The following PKHD1 variants were observed in gnomAD, a reference collection of about 807,000 sequenced individuals.
The protein encoded by PKHD1 is PKHD1 ciliary IPT domain containing fibrocystin/polyductin.
A neutral mutation model predicts 412.0 loss-of-function variants in PKHD1; 291 were observed. The observed-to-expected ratio is 0.71, with a 90% CI of 0.64 to 0.78. The LOEUF is 0.78. Among genes scored for constraint, PKHD1 ranks in the 30% least tolerant of loss-of-function variants. The pLI is 0.00. For synonymous variants in PKHD1, 1,777 were observed against 1,821.5 expected (o/e 0.98, Z 0.62); for missense variants, 4,825 against 4,950.7 (o/e 0.97, Z 0.76).
chr6:51,853,436 T>C (rs943109513), intron 49 of PKHD1, among the ~76,000 whole-genome samples: 5 of 152,184 alleles, frequency 3.3e-5, no homozygotes, highest in Non-Finnish European at 5.9e-5. Context: ...CTTAATGGTG[T>C]TCTCTGCATT....
At chr6:51,756,015 T>C (rs1430494391) in intron 55 of PKHD1, among the ~76,000 whole-genome samples, 2 of 152,142 alleles carry the variant, frequency 1.3e-5, no homozygotes, top group Middle Eastern at 3.2e-3. Context: ...AGATGTTTAA[T>C]ATATAGTATT....
At chr6:52,085,573 T>C (rs559201565) in intron 1 of PKHD1, among the ~76,000 whole-genome samples, 1 of 152,168 alleles carries the variant, frequency 6.6e-6, no homozygotes, top group Non-Finnish European at 1.5e-5. Flanking sequence ...CCTCAGCTGA[T>C]TCTTTCCTCC....
chr6:51,815,265 A>G (rs1765266262), intron 52 of PKHD1, among the ~76,000 whole-genome samples: 2 of 152,182 alleles, frequency 1.3e-5, no homozygotes, highest in South Asian at 4.1e-4. Context: ...ATAAGACATA[A>G]CCTCTGTTCT....
rs114105781 is a variant in PKHD1, at chr6:52,044,057, C to T, written c.2716-327G>A. Among the ~76,000 whole-genome samples, 1,922 of 152,270 alleles carry T rather than the reference C, an allele frequency of 0.013. 27 individuals are homozygous for T. The highest frequency in any genetic ancestry group is 0.047 in the South Asian group (226 of 4,824). ...CTTCTTATCACTCTGTATTTCCAAC[C>T]AGGTACCTACTTTATGTGACAAGCT... On this transcript the variant is annotated intron_variant, in intron 25 of 66. Transcript: ENST00000371117.
intron 18 of PKHD1, among the ~76,000 whole-genome samples, chr6:52,056,184 C>G (rs1562247230): frequency 6.6e-6 from 1 of 152,112 alleles, no homozygotes; most frequent in Non-Finnish European, 1.5e-5. Flanking sequence ...AGCATTTTCT[C>G]TGTGTAGCAG....
chr6:51,989,941 AAGG>A (rs1796779557), intron 35 of PKHD1, among the ~76,000 whole-genome samples: 2 of 90,390 alleles, frequency 2.2e-5, no homozygotes, highest in Admixed American at 1.1e-4. Context: ...GGAAAGAAGG[AAGG>A]AAGAAAGGAA....
At chr6:51,926,343 TGCCTCAAGTTTTTTCTTTTC>T (rs898537571) in intron 37 of PKHD1, among the ~76,000 whole-genome samples, 3 of 152,272 alleles carry the variant, frequency 2.0e-5, no homozygotes, top group African/African-American at 7.2e-5. Context: ...GACTCAGCTG[TGCCTCAAGTTTTTTCTTTTC>T]GCCTCAAGTT....
chr6:51,928,620 ACT>A (rs766717992), intron 37 of PKHD1, among the ~76,000 whole-genome samples: 1 of 126,424 alleles, frequency 7.9e-6, no homozygotes, highest in Non-Finnish European at 1.7e-5. Context: ...CTGCTAAGTA[ACT>A]CTAGCGGACT....
chr6:51,719,833 C>G (rs1444910385), intron 60 of PKHD1, among the ~76,000 whole-genome samples: 4 of 152,156 alleles, frequency 2.6e-5, no homozygotes, highest in Non-Finnish European at 5.9e-5. Flanking sequence ...CAGGATCATT[C>G]TTTATTCACA....
intron 60 of PKHD1, among the ~76,000 whole-genome samples, chr6:51,734,607 A>G (rs896287909): frequency 6.6e-6 from 1 of 152,130 alleles, no homozygotes; most frequent in African/African-American, 2.4e-5. Flanking sequence ...GCAACGGGTG[A>G]AGGAGAGTCA....
At chr6:52,043,536 A>T in intron 26 of PKHD1, 89 bp downstream of exon 26, 2 of 891,080 alleles carry the variant, frequency 2.2e-6, no homozygotes, top group Non-Finnish European at 3.7e-6. Context: ...TTTATCTTCT[A>T]CCCACCCATC....
intron 60 of PKHD1, among the ~76,000 whole-genome samples, chr6:51,728,114 T>A (rs1045183333): frequency 6.6e-6 from 1 of 152,204 alleles, no homozygotes; most frequent in Non-Finnish European, 1.5e-5. Flanking sequence ...TGGTCATATA[T>A]TTCCTTATAT....
intron 64 of PKHD1, among the ~76,000 whole-genome samples, chr6:51,636,558 T>TAAC (rs34478080): frequency 2.0e-5 from 3 of 150,404 alleles, no homozygotes; most frequent in African/African-American, 4.9e-5. Flanking sequence ...TCTCTAAAAA[T>TAAC]AACAACAACA....
intron 15 of PKHD1, among the ~76,000 whole-genome samples, chr6:52,059,253 CT>C (rs1282772885): frequency 2.0e-3 from 198 of 98,268 alleles, no homozygotes; most frequent in Non-Finnish European, 3.2e-3. Context: ...TTTTCTTTTT[CT>C]TTTTCTTTTT....
In PKHD1 at chr6:51,898,879, C is replaced by T. The variant is rs375872259; in HGVS notation, c.6996+4718G>A. ...AATACAAACTACCATCAGAGAATAC[C>T]ACAAACACCTCTACGCAAATAAACT... On this transcript the variant is annotated intron_variant, in intron 43 of 66. Coordinates refer to ENST00000371117, the MANE Select transcript of PKHD1 (RefSeq NM_138694.4). Among the ~76,000 whole-genome samples the T allele has an allele frequency of 9.2e-5, 14 of 151,894 alleles. No homozygotes were observed. The South Asian group carries it at 2.3e-3, about 25-fold the overall frequency.
At chr6:51,971,465 AT>A (rs1382266003) in intron 35 of PKHD1, among the ~76,000 whole-genome samples, 1 of 152,202 alleles carries the variant, frequency 6.6e-6, no homozygotes, top group Non-Finnish European at 1.5e-5. Context: ...GCAACATGGA[AT>A]TTTTCAATTT....
intron 36 of PKHD1, among the ~76,000 whole-genome samples, chr6:51,958,941 A>G (rs933717565): frequency 2.0e-5 from 3 of 152,076 alleles, no homozygotes; most frequent in Non-Finnish European, 2.9e-5. Context: ...TCTCCTTGCT[A>G]TAGAAGAGAA....
chr6:52,057,270 T>C (rs1344394221), intron 16 of PKHD1, among the ~76,000 whole-genome samples: 2 of 152,160 alleles, frequency 1.3e-5, no homozygotes, highest in Non-Finnish European at 2.9e-5. Context: ...CTCTCACCAA[T>C]TGCTTTCTCC....
chr6:51,982,185 T>G (rs1246741419), intron 35 of PKHD1, among the ~76,000 whole-genome samples: 3 of 19,666 alleles, frequency 1.5e-4, no homozygotes, highest in Admixed American at 6.8e-4. Flanking sequence ...GGGAGGGAGG[T>G]GGGGGGGTCA....
Sources: gnomAD v4.1 joint callset for allele counts (sites outside exome capture counted in the v4.1 genomes callset) on GRCh38, gnomAD v4.1.1 for gene constraint, MANE v1.5 for transcripts, NCBI Gene and HGNC (gene_info 2026-07-23, HGNC 2026-07-21) for gene names.